Variants in NTRK2 observed in about 807,000 individuals in gnomAD.
NTRK2 encodes neurotrophic receptor tyrosine kinase 2.
NTRK2 carries 13 observed loss-of-function variants against 94.5 expected under a neutral mutation model. That is an observed-to-expected ratio of 0.14 (90% CI 0.09 to 0.22). The LOEUF is 0.22. Ranked by LOEUF, NTRK2 falls within the 10% of genes least tolerant of loss-of-function variation. The pLI is 1.00. For synonymous variants in NTRK2, 372 were observed against 407.4 expected (o/e 0.91, Z 1.05); for missense variants, 639 against 1,071.2 (o/e 0.60, Z 5.63).
In NTRK2 at chr9:84,732,390, G is replaced by T. The variant is rs148907926; in HGVS notation, c.1159+4431G>T. On this transcript the variant is annotated intron_variant, in intron 9 of 18. Transcript: ENST00000277120. Reference sequence around the variant, plus strand: ...GCCTAGCTTTAGCAACTCAGATTCCGTGGCTCTGGGATGGGAGTTGGGCTT... The same window carrying T: ...GCCTAGCTTTAGCAACTCAGATTCCTTGGCTCTGGGATGGGAGTTGGGCTT... Among the ~76,000 whole-genome samples, 620 of 152,254 alleles carry T rather than the reference G, an allele frequency of 4.1e-3. 11 individuals are homozygous for T. The highest frequency in any genetic ancestry group is 0.014 in the African/African-American group (594 of 41,550).
intron 14 of NTRK2, chr9:84,872,878 C>T (rs201559471): frequency 9.4e-7 from 1 of 1,065,308 alleles, no homozygotes; most frequent in South Asian, 4.6e-5. Flanking sequence ...ACACAAGGCA[C>T]CCATTCTGCT....
intron 14 of NTRK2, among the ~76,000 whole-genome samples, chr9:84,909,656 T>C (rs991823659): frequency 1.3e-5 from 2 of 152,162 alleles, no homozygotes; most frequent in African/African-American, 4.8e-5. Context: ...TCGTTGTGCT[T>C]TCACCCTGCA....
At chr9:84,889,270 G>A (rs1279931917) in intron 14 of NTRK2, among the ~76,000 whole-genome samples, 19 of 151,874 alleles carry the variant, frequency 1.3e-4, no homozygotes, top group African/African-American at 4.3e-4. Context: ...GATTACAGGC[G>A]TGAGCCACCG....
At chr9:84,979,735 A>C (rs894042958) in intron 17 of NTRK2, among the ~76,000 whole-genome samples, 2 of 152,190 alleles carry the variant, frequency 1.3e-5, no homozygotes, top group African/African-American at 4.8e-5. Flanking sequence ...CCATGCAATA[A>C]ATTTCACTGT....
chr9:84,828,290 C>A (rs2073312775), intron 12 of NTRK2, among the ~76,000 whole-genome samples: 1 of 152,134 alleles, frequency 6.6e-6, no homozygotes, highest in Non-Finnish European at 1.5e-5. Context: ...CTCTAACAGG[C>A]CCAGTTGCCA....
At chr9:84,744,819 C>T (rs564507470) in intron 10 of NTRK2, among the ~76,000 whole-genome samples, 154 bp from the exon 11 acceptor site, 1 of 152,278 alleles carries the variant, frequency 6.6e-6, no homozygotes, top group Admixed American at 6.5e-5. Context: ...TTGAACTCAG[C>T]AGCCTGGTCA....
chr9:84,873,449 A>T (rs1587776096), intron 14 of NTRK2: 1 of 1,059,358 alleles, frequency 9.4e-7, no homozygotes, highest in African/African-American at 1.6e-5. Context: ...TTCATGGCAC[A>T]TTGCTGCTGT....
intron 12 of NTRK2, among the ~76,000 whole-genome samples, chr9:84,794,630 A>C (rs1028691559): frequency 5.9e-5 from 9 of 152,216 alleles, no homozygotes; most frequent in Admixed American, 3.9e-4. Flanking sequence ...TAGATGCATA[A>C]AAATGTTAGT....
At chr9:84,951,080 A>C (rs1269405617) in intron 16 of NTRK2, among the ~76,000 whole-genome samples, 2 of 152,242 alleles carry the variant, frequency 1.3e-5, no homozygotes. Flanking sequence ...ATGGTATCAC[A>C]TGGCTGGTGC....
At chr9:84,861,744 C>G (rs1037200917) in intron 13 of NTRK2, among the ~76,000 whole-genome samples, 1 of 152,134 alleles carries the variant, frequency 6.6e-6, no homozygotes, top group African/African-American at 2.4e-5. Flanking sequence ...AGACAATGAA[C>G]AGGAATTGCT....
At chr9:84,969,671 A>G (rs1330996210) in intron 17 of NTRK2, among the ~76,000 whole-genome samples, 2 of 152,210 alleles carry the variant, frequency 1.3e-5, no homozygotes, top group Non-Finnish European at 1.5e-5. Context: ...CTATAACAAT[A>G]ATAATGTGGC....
chr9:84,723,726 G>A lies in NTRK2; in HGVS notation c.720+17G>A, dbSNP rs765076433. 9 of 1,613,978 alleles carry A rather than the reference G, an allele frequency of 5.6e-6. No individual in the cohort carries two copies. The highest frequency in any genetic ancestry group is 5.1e-6 in the Non-Finnish European group (6 of 1,179,866). ...AAACATATGGTAAGGCTTGTGTTTG[G>A]CTGTGTCTTAATAGAGAGACAAGAG... On this transcript the variant is annotated intron_variant, in intron 7 of 18. Transcript: ENST00000277120.
intron 12 of NTRK2, among the ~76,000 whole-genome samples, chr9:84,800,051 C>T (rs571137943): frequency 3.3e-5 from 5 of 152,266 alleles, no homozygotes; most frequent in Admixed American, 3.3e-4. Context: ...GGGTTTGGTT[C>T]ATTTAGCTGC....
intron 12 of NTRK2, among the ~76,000 whole-genome samples, chr9:84,822,548 A>G (rs2072917077): frequency 6.6e-6 from 1 of 152,206 alleles, no homozygotes; most frequent in Non-Finnish European, 1.5e-5. Flanking sequence ...GAAACTGGGA[A>G]GGGAATCCGA....
At chr9:84,802,417 G>A (rs993864308) in intron 12 of NTRK2, among the ~76,000 whole-genome samples, 12 of 152,256 alleles carry the variant, frequency 7.9e-5, no homozygotes, top group Middle Eastern at 3.4e-3. Context: ...TGAAGGAGTC[G>A]AGGAGAAGAG....
intron 17 of NTRK2, among the ~76,000 whole-genome samples, chr9:84,975,013 G>A (rs1457464115): frequency 6.6e-6 from 1 of 152,136 alleles, no homozygotes; most frequent in African/African-American, 2.4e-5. Context: ...GCTGCAGTTT[G>A]GCAGTGCCAG....
intron 14 of NTRK2, among the ~76,000 whole-genome samples, chr9:84,920,985 A>G (rs778766123): frequency 1.3e-5 from 2 of 152,224 alleles, no homozygotes; most frequent in Non-Finnish European, 2.9e-5. Flanking sequence ...GACCATGCCA[A>G]TCCCAGATGT....
chr9:84,960,247 G>A (rs968327977), intron 17 of NTRK2, among the ~76,000 whole-genome samples: 3 of 152,162 alleles, frequency 2.0e-5, no homozygotes, highest in South Asian at 2.1e-4. Flanking sequence ...AGGAAGATGT[G>A]TGGTACCAAG....
intron 17 of NTRK2, among the ~76,000 whole-genome samples, chr9:84,965,902 TG>T (rs904180560): frequency 1.2e-4 from 18 of 152,338 alleles, no homozygotes; most frequent in African/African-American, 4.3e-4. Flanking sequence ...TATATGTCTA[TG>T]TATGAGAGAC....
Sources: gnomAD v4.1 joint callset for allele counts (sites outside exome capture counted in the v4.1 genomes callset) on GRCh38, gnomAD v4.1.1 for gene constraint, MANE v1.5 for transcripts, NCBI Gene and HGNC (gene_info 2026-07-23, HGNC 2026-07-21) for gene names.